The following SIPA1L2 variants were observed in gnomAD, a reference collection of about 807,000 sequenced individuals.
The protein encoded by SIPA1L2 is signal-induced proliferation-associated 1-like protein 2.
SIPA1L2 carries 56 observed loss-of-function variants against 163.9 expected under a neutral mutation model. The observed-to-expected ratio is 0.34, with a 90% CI of 0.28 to 0.43. The LOEUF (loss-of-function observed/expected upper bound fraction) is 0.43, where lower values mean the gene tolerates loss of function less well. Among genes scored for constraint, SIPA1L2 ranks in the 20% least tolerant of loss-of-function variants. The probability of loss-of-function intolerance (pLI) is 1.00; values close to 1 mark genes in which losing one functional copy is unlikely to be tolerated. For missense variants in SIPA1L2, 1,974 were observed against 2,193.5 expected (o/e 0.90, Z 2.00); for synonymous variants, 877 against 865.7 (o/e 1.01, Z -0.23).
Position 232,515,526 on chromosome 1 carries a change from G to A in SIPA1L2, c.-187C>T, listed in dbSNP as rs1667182490. 6.8e-6 allele frequency: 4 copies of A among 587,400 alleles called. No individual in the cohort carries two copies. The highest frequency in any genetic ancestry group is 4.4e-4 in the Middle Eastern group (1 of 2,268). 36.4% of individuals were successfully genotyped at this position (587,400 alleles called of 1,614,324 possible). A position where few individuals can be genotyped will look rare whatever the true frequency, so the allele number is the denominator to read the frequency against. On this transcript the variant is annotated 5_prime_UTR_variant, in exon 3 of 23. Coordinates refer to ENST00000674635, the MANE Select transcript of SIPA1L2 (RefSeq NM_020808.5). ...TTCTTCAAAGCCAACTTGCTTCTCT[G>A]TTGTCGTAATAATGTTGTACGCCTC...
At chr1:232,533,806 C>T (rs911110021) in intron 2 of SIPA1L2, among the ~76,000 whole-genome samples, 9 of 152,094 alleles carry the variant, frequency 5.9e-5, no homozygotes, top group African/African-American at 1.7e-4. Flanking sequence ...AGCTGAACAA[C>T]GAGTTAAGCA....
chr1:232,525,591 C>T (rs1368933789), intron 2 of SIPA1L2, among the ~76,000 whole-genome samples: 1 of 151,996 alleles, frequency 6.6e-6, no homozygotes, highest in Non-Finnish European at 1.5e-5. Context: ...TTTCACAGGC[C>T]TTACACCCCA....
intron 2 of SIPA1L2, among the ~76,000 whole-genome samples, chr1:232,522,027 C>A (rs1416596633): frequency 6.6e-6 from 1 of 152,122 alleles, no homozygotes; most frequent in Non-Finnish European, 1.5e-5. Flanking sequence ...GGTGCCCAAC[C>A]CAAACACCCA....
intron 2 of SIPA1L2, among the ~76,000 whole-genome samples, chr1:232,540,248 G>A (rs958172131): frequency 2.6e-5 from 4 of 152,106 alleles, no homozygotes; most frequent in African/African-American, 9.7e-5. Context: ...ACGTTGCAGT[G>A]GGCCGAGGTC....
In SIPA1L2 at chr1:232,402,478, C is replaced by T. The variant is rs764967550; in HGVS notation, c.4941-5G>A. 8 of 1,610,600 alleles carry T rather than the reference C, an allele frequency of 5.0e-6. No homozygotes were observed. The highest frequency in any genetic ancestry group is 1.1e-5 in the South Asian group (1 of 90,650). On this transcript the variant is annotated splice_polypyrimidine_tract_variant and splice_region_variant and intron_variant, in intron 21 of 22. Coordinates refer to ENST00000674635, the MANE Select transcript of SIPA1L2 (RefSeq NM_020808.5). The stretch of plus-strand genomic sequence containing the variant: ...AGTGGTGATGGAGAACGCTCCCTAG[C>T]AAATAAGGATAGAATTAGAAAGATT...
chr1:232,445,970 T>A (rs1663193811), intron 10 of SIPA1L2, among the ~76,000 whole-genome samples, 184 bp from the exon 11 acceptor site: 1 of 152,176 alleles, frequency 6.6e-6, no homozygotes, highest in Non-Finnish European at 1.5e-5. Context: ...ATTCCCACAC[T>A]ATTCAATTCC....
chr1:232,403,482 G>A lies in SIPA1L2; in HGVS notation c.4906C>T (p.Pro1636Ser). The A allele has an allele frequency of 6.2e-7, 1 of 1,614,020 alleles. No homozygotes were observed. Among genetic ancestry groups the A allele is most frequent in the Non-Finnish European group, 8.5e-7 (1 of 1,179,946 alleles). The change falls in exon 21 of 23, where the codon CCA becomes TCA. Residue 1636 changes from proline (P) to serine (S), a missense_variant. Pro to Ser is a moderately conservative substitution (Grantham distance 74). This residue lies in a region of SIPA1L2 where 1,079 missense variants were observed against 1,150.7 expected (regional missense o/e 0.94). Transcript: ENST00000674635. Reference protein sequence around the residue: ...GAQELPLCVDPGSGKEFMDTT... With the variant: ...GAQELPLCVDSGSGKEFMDTT... The stretch of plus-strand genomic sequence containing the variant: ...TCCATGAACTCTTTGCCACTGCCTG[G>A]ATCTACACATAAGGGCAGCTCTTGG...
At chr1:232,487,005 A>G (rs1665677553) in intron 5 of SIPA1L2, among the ~76,000 whole-genome samples, 2 of 152,218 alleles carry the variant, frequency 1.3e-5, no homozygotes, top group South Asian at 4.1e-4. Context: ...TAACTGTTTG[A>G]TAAGAGCTGT....
At chr1:232,429,054 A>G (rs1324680790) in intron 16 of SIPA1L2, among the ~76,000 whole-genome samples, 5 of 152,200 alleles carry the variant, frequency 3.3e-5, no homozygotes, top group African/African-American at 4.8e-5. Flanking sequence ...ATGTTTTATT[A>G]TCAGCAATTT....
At chr1:232,563,219 C>T (rs934137659) in intron 2 of SIPA1L2, among the ~76,000 whole-genome samples, 5 of 152,180 alleles carry the variant, frequency 3.3e-5, no homozygotes, top group African/African-American at 9.7e-5. Context: ...ACATACTCAA[C>T]TCCTAAACAA....
intron 10 of SIPA1L2, among the ~76,000 whole-genome samples, chr1:232,449,345 C>T (rs999021727): frequency 8.0e-5 from 12 of 150,428 alleles, no homozygotes; most frequent in African/African-American, 1.5e-4. Flanking sequence ...GGTGAAACCC[C>T]GTCTCTACTA....
At chr1:232,468,306 G>A (rs1364153676) in intron 8 of SIPA1L2, among the ~76,000 whole-genome samples, 1 of 152,204 alleles carries the variant, frequency 6.6e-6, no homozygotes, top group East Asian at 1.9e-4. Flanking sequence ...TCCAGCAAAA[G>A]CAAACAGAAA....
chr1:232,470,561 G>T (rs1317391574), intron 8 of SIPA1L2, among the ~76,000 whole-genome samples: 1 of 152,172 alleles, frequency 6.6e-6, no homozygotes, highest in Non-Finnish European at 1.5e-5. Flanking sequence ...GGCCCAGTGG[G>T]CAGCTGAATT....
chr1:232,442,535 G>A (rs1307103090), intron 12 of SIPA1L2, among the ~76,000 whole-genome samples: 8 of 141,670 alleles, frequency 5.6e-5, no homozygotes, highest in South Asian at 2.2e-4. Context: ...GCGACAGACC[G>A]AGACTCCATC....
intron 1 of SIPA1L2, among the ~76,000 whole-genome samples, chr1:232,625,413 G>A (rs1345133090): frequency 2.0e-5 from 3 of 152,196 alleles, no homozygotes; most frequent in African/African-American, 7.2e-5. Flanking sequence ...ATGATGGAAA[G>A]AATCAGCTAA....
At chr1:232,548,785 C>G (rs1352491759) in intron 2 of SIPA1L2, among the ~76,000 whole-genome samples, 1 of 152,086 alleles carries the variant, frequency 6.6e-6, no homozygotes, top group East Asian at 1.9e-4. Flanking sequence ...GAGGACAGGA[C>G]AGAACACATC....
chr1:232,613,022 G>A (rs917801614), intron 1 of SIPA1L2, among the ~76,000 whole-genome samples: 1 of 152,164 alleles, frequency 6.6e-6, no homozygotes, highest in Non-Finnish European at 1.5e-5. Context: ...AGTCTCACGA[G>A]ATCTGATGGT....
chr1:232,524,071 A>C (rs1667577050), intron 2 of SIPA1L2, among the ~76,000 whole-genome samples: 1 of 152,206 alleles, frequency 6.6e-6, no homozygotes, highest in African/African-American at 2.4e-5. Context: ...GAGTTATAAG[A>C]TACTGAGTTT....
At chr1:232,408,078 G>A (rs545965195) in intron 19 of SIPA1L2, among the ~76,000 whole-genome samples, 1 of 152,274 alleles carries the variant, frequency 6.6e-6, no homozygotes, top group Non-Finnish European at 1.5e-5. Flanking sequence ...GCAAAACTAT[G>A]ATCTTATTGA....
Sources: gnomAD v4.1 joint callset for allele counts (sites outside exome capture counted in the v4.1 genomes callset) on GRCh38, gnomAD v4.1.1 for gene constraint, gnomAD v4.1.1 regional missense constraint, MANE v1.5 for transcripts, NCBI Gene and HGNC (gene_info 2026-07-23, HGNC 2026-07-21) for gene names.